Variants in WFDC9 observed in about 807,000 individuals in gnomAD.
WFDC9 encodes protein WFDC9.
Under a neutral mutation model 9.5 loss-of-function variants are expected in WFDC9, and 9 were observed. The ratio of observed to expected loss-of-function variants is 0.95; its 90% confidence interval spans 0.57 to 1.65. The LOEUF is 1.65. WFDC9 is among the 40% of genes most tolerant of loss of function. The probability of loss-of-function intolerance (pLI) is 0.00; values close to 1 mark genes in which losing one functional copy is unlikely to be tolerated. For synonymous variants in WFDC9, 33 were observed against 32.3 expected, an observed-to-expected ratio of 1.02 and a Z score of -0.07; for missense variants, 87 against 106.7, an observed-to-expected ratio of 0.82 and a Z score of 0.81.
chr20:45,626,983 G>A (rs780537962), intron 1 of WFDC9, among the ~76,000 whole-genome samples: 1 of 152,152 alleles, frequency 6.6e-6, no homozygotes, highest in Non-Finnish European at 1.5e-5. Flanking sequence ...TTATGTGGAG[G>A]TGCTTTCCTT....
intron 4 of WFDC9, among the ~76,000 whole-genome samples, chr20:45,608,367 C>G (rs1190717302): frequency 6.6e-6 from 1 of 152,056 alleles, no homozygotes; most frequent in African/African-American, 2.4e-5. Context: ...AGACGCCCAA[C>G]TAAGGGGTTA....
chr20:45,622,852 A>G (rs1426869427), intron 1 of WFDC9, among the ~76,000 whole-genome samples: 1 of 152,156 alleles, frequency 6.6e-6, no homozygotes, highest in Non-Finnish European at 1.5e-5. Context: ...TGTAAATGTG[A>G]TGTTCACTGC....
intron 1 of WFDC9, among the ~76,000 whole-genome samples, chr20:45,623,705 TA>T (rs1289282702): frequency 6.6e-6 from 1 of 152,216 alleles, no homozygotes; most frequent in Non-Finnish European, 1.5e-5. Context: ...TCAATATGTA[TA>T]ATGTATAGTG....
In WFDC9 at chr20:45,625,278, C is replaced by T. The variant is rs562206555; in HGVS notation, c.-153+5925G>A. ...AACAGCATGGGGGAAACTGCCCTTA[C>T]GATCCAATCACCTCCTGCCAGGTCC... is the stretch of plus-strand genomic sequence containing the variant. On this transcript the variant is annotated intron_variant, in intron 1 of 4. Coordinates refer to ENST00000326000, the MANE Select transcript of WFDC9 (RefSeq NM_147198.4). Among the ~76,000 whole-genome samples, 13 of 152,280 alleles carry T rather than the reference C, an allele frequency of 8.5e-5. No homozygotes were observed. In the South Asian group the frequency reaches 1.0e-3, roughly 12 times the overall value.
rs1416615758 is a variant in WFDC9 at position 45,608,108 on chromosome 20, A to T, written c.*2T>A. The T allele has an allele frequency of 6.2e-7, 1 of 1,613,436 alleles. No individual in the cohort carries two copies. The highest frequency in any genetic ancestry group is 1.7e-5 in the Admixed American group (1 of 59,860). On this transcript the variant is annotated 3_prime_UTR_variant, in exon 5 of 5. Coordinates refer to ENST00000326000, the MANE Select transcript of WFDC9 (RefSeq NM_147198.4). ...CCCACAGTAGTGATCGGCCAATAGAATCTAGGGGTTTAGCATTGATTTAAG... is the reference window on the plus strand; with the variant it reads ...CCCACAGTAGTGATCGGCCAATAGATTCTAGGGGTTTAGCATTGATTTAAG...
chr20:45,608,587 C>T (rs751073001), intron 4 of WFDC9, 76 bp downstream of exon 4: 194 of 1,508,020 alleles, frequency 1.3e-4, no homozygotes, highest in Non-Finnish European at 1.6e-4. Context: ...TGGGTGGCTG[C>T]GGTCTTTTGA....
chr20:45,611,819 C>T (rs888240388), intron 2 of WFDC9, among the ~76,000 whole-genome samples: 1 of 152,118 alleles, frequency 6.6e-6, no homozygotes, highest in Non-Finnish European at 1.5e-5. Flanking sequence ...TTCCACCTAC[C>T]GGATATCAAA....
At chr20:45,620,000 T>A (rs1486766909) in intron 1 of WFDC9, among the ~76,000 whole-genome samples, 2 of 151,952 alleles carry the variant, frequency 1.3e-5, no homozygotes, top group African/African-American at 4.8e-5. Context: ...CACTATAGCC[T>A]GGGTCACAGA....
intron 1 of WFDC9, among the ~76,000 whole-genome samples, chr20:45,625,255 C>T (rs897975342): frequency 6.6e-6 from 1 of 152,116 alleles, no homozygotes; most frequent in African/African-American, 2.4e-5. Flanking sequence ...ATCATAAGAA[C>T]AGCATGGGGG....
In WFDC9 at chr20:45,610,184, TG is replaced by T. The variant is rs745782296; in HGVS notation, c.-4del. ...AGTAGAAGAATCCAGGGCTTCATGG[TG>T]CTCTCTGTGTGTATTTGGGTTAAGT... On this transcript the variant is annotated 5_prime_UTR_variant, in exon 3 of 5. Transcript: ENST00000326000. The T allele has an allele frequency of 2.5e-6, 4 of 1,613,754 alleles. No individual in the cohort carries two copies. The highest frequency in any genetic ancestry group is 2.5e-6 in the Non-Finnish European group (3 of 1,179,882).
intron 2 of WFDC9, among the ~76,000 whole-genome samples, chr20:45,612,284 G>A (rs948738926): frequency 4.0e-5 from 6 of 151,740 alleles, no homozygotes; most frequent in Non-Finnish European, 7.4e-5. Context: ...CTCTGTGTGT[G>A]GAGGGAGACA....
intron 1 of WFDC9, among the ~76,000 whole-genome samples, chr20:45,622,610 T>A (rs1404362111): frequency 6.6e-6 from 1 of 151,976 alleles, no homozygotes; most frequent in Non-Finnish European, 1.5e-5. Context: ...CATTTGAGAG[T>A]CAGTTACTTA....
At chr20:45,621,295 T>C (rs1310405028) in intron 1 of WFDC9, among the ~76,000 whole-genome samples, 1 of 152,272 alleles carries the variant, frequency 6.6e-6, no homozygotes, top group African/African-American at 2.4e-5. Flanking sequence ...AGACAGTTTT[T>C]AGTTCATGAT....
chr20:45,631,089 G>A (rs1333930782), intron 1 of WFDC9, 114 bp downstream of exon 1: 10 of 1,464,980 alleles, frequency 6.8e-6, no homozygotes, highest in Non-Finnish European at 9.0e-6. Context: ...CACATCCGAA[G>A]CACAAGGACC....
chr20:45,630,479 C>T (rs1982336073), intron 1 of WFDC9, among the ~76,000 whole-genome samples: 1 of 152,122 alleles, frequency 6.6e-6, no homozygotes, highest in Non-Finnish European at 1.5e-5. Flanking sequence ...ATCCTCATCT[C>T]TGAATTCTAC....
chr20:45,620,637 T>C (rs528760629), intron 1 of WFDC9, among the ~76,000 whole-genome samples: 1 of 152,338 alleles, frequency 6.6e-6, no homozygotes, highest in South Asian at 2.1e-4. Flanking sequence ...AGATAATTTA[T>C]TTTCATTTAT....
At chr20:45,619,975 G>C (rs574072995) in intron 1 of WFDC9, among the ~76,000 whole-genome samples, 22 of 151,876 alleles carry the variant, frequency 1.4e-4, no homozygotes, top group Non-Finnish European at 2.8e-4. Context: ...GCAGTGAGTC[G>C]AGATCATGCC....
intron 1 of WFDC9, among the ~76,000 whole-genome samples, chr20:45,620,614 T>G (rs2903790): frequency 6.6e-6 from 1 of 152,028 alleles, no homozygotes; most frequent in African/African-American, 2.4e-5. Flanking sequence ...CTGCTCAATC[T>G]ACAACTTTGT....
intron 1 of WFDC9, among the ~76,000 whole-genome samples, chr20:45,620,156 G>C (rs578239755): frequency 2.6e-5 from 4 of 152,148 alleles, no homozygotes; most frequent in Non-Finnish European, 5.9e-5. Flanking sequence ...TTATTAAGTA[G>C]CGTTATTTGT....
Sources: gnomAD v4.1 joint callset for allele counts (sites outside exome capture counted in the v4.1 genomes callset) on GRCh38, gnomAD v4.1.1 for gene constraint, MANE v1.5 for transcripts, NCBI Gene and HGNC (gene_info 2026-07-23, HGNC 2026-07-21) for gene names.